Variants in ISM1 observed in about 807,000 individuals in gnomAD.
ISM1 encodes isthmin 1, also known as isthmin-1.
In ISM1, 25 loss-of-function variants were observed where a neutral mutation model predicts 46.3. The ratio of observed to expected loss-of-function variants is 0.54; its 90% CI spans 0.39 to 0.75. The LOEUF (loss-of-function observed/expected upper bound fraction) is 0.75, where lower values mean the gene tolerates loss of function less well. Ranked by LOEUF, ISM1 falls within the 30% of genes least tolerant of loss-of-function variation. ISM1 has a pLI of 0.00. For synonymous variants in ISM1, 255 were observed against 256.7 expected, an observed-to-expected ratio of 0.99 and a Z score of 0.06; for missense variants, 536 against 625.4, an observed-to-expected ratio of 0.86 and a Z score of 1.52.
At chr20:13,313,140 T>C in the ISM1 span, among the ~76,000 whole-genome samples, 2 of 152,262 alleles carry the variant, frequency 1.3e-5, no homozygotes, top group African/African-American at 4.8e-5. Flanking sequence ...TGCCCACAGA[T>C]CCCTTCTACA....
chr20:13,230,701 A>C (rs1311464202), intron 1 of ISM1, among the ~76,000 whole-genome samples: 1 of 151,870 alleles, frequency 6.6e-6, no homozygotes, highest in East Asian at 1.9e-4. Flanking sequence ...TAGTGCCCAG[A>C]TTATATGTAG....
In ISM1 at chr20:13,268,155, C is replaced by CTTCTCTTCTCTTCTCTTCTCTTCT. The variant is rs1456221859; in HGVS notation, c.139-2349_139-2348insTTCTCTTCTCTTCTCTTCTCTTCT. Among the ~76,000 whole-genome samples, 186 of 69,092 alleles carry CTTCTCTTCTCTTCTCTTCTCTTCT rather than the reference C, an allele frequency of 2.7e-3. 1 individual carries two copies. The highest frequency in any genetic ancestry group is 0.011 in the African/African-American group (170 of 15,006). 45.3% of individuals were successfully genotyped at this position (69,092 alleles called of 152,430 possible). A position where few individuals can be genotyped will look rare whatever the true frequency, so the allele number is the denominator to read the frequency against. On this transcript the variant is annotated intron_variant, in intron 1 of 5. Transcript: ENST00000262487. ...TCTTCTCTTCTCTTCTCTTCTCTTCCCTTCCCTTCTCTCCTCTCCTCTCCT... is the reference window on the plus strand; with the variant it reads ...TCTTCTCTTCTCTTCTCTTCTCTTCCTTCTCTTCTCTTCTCTTCTCTTCTCTTCCCTTCTCTCCTCTCCTCTCCT...
chr20:13,289,579 A>T (rs1271172521), intron 4 of ISM1, among the ~76,000 whole-genome samples: 1 of 152,104 alleles, frequency 6.6e-6, no homozygotes, highest in African/African-American at 2.4e-5. Flanking sequence ...TGTGTGTCCC[A>T]TACATTTTTA....
chr20:13,238,881 C>A (rs1448308705), intron 1 of ISM1: 1 of 152,248 alleles, frequency 6.6e-6, no homozygotes, highest in Admixed American at 6.5e-5. Flanking sequence ...CCCATTACTC[C>A]TGAAAAGGTT....
At chr20:13,303,941 CA>C (rs1176634850), downstream of ISM1, among the ~76,000 whole-genome samples, 3 of 151,988 alleles carry the variant, frequency 2.0e-5, no homozygotes, top group Non-Finnish European at 4.4e-5. Context: ...TGGCTTAACC[CA>C]AAAAAACTCT....
intron 1 of ISM1, among the ~76,000 whole-genome samples, chr20:13,224,064 A>G (rs974788117): frequency 3.9e-5 from 6 of 152,090 alleles, no homozygotes; most frequent in Non-Finnish European, 7.3e-5. Flanking sequence ...AAGAGGACAC[A>G]ACAAATGGGG....
chr20:13,305,199 TAAAAA>T (rs5840562), downstream of ISM1, among the ~76,000 whole-genome samples: 1,308 of 137,482 alleles, frequency 9.5e-3, 14 homozygotes, highest in African/African-American at 0.022. Context: ...GTTGAGTTGT[TAAAAA>T]AAAAAAAAAA....
intron 1 of ISM1, among the ~76,000 whole-genome samples, chr20:13,252,010 G>C (rs2039873573): frequency 6.6e-6 from 1 of 152,192 alleles, no homozygotes; most frequent in African/African-American, 2.4e-5. Context: ...ATTTGCTGGA[G>C]GAAAGCAAAG....
At chr20:13,256,292 A>G (rs1019346111) in intron 1 of ISM1, among the ~76,000 whole-genome samples, 16 of 150,594 alleles carry the variant, frequency 1.1e-4, no homozygotes, top group Non-Finnish European at 2.1e-4. Flanking sequence ...GCTATTCAGG[A>G]GGCTGAGACA....
chr20:13,250,013 G>A lies in ISM1; in HGVS notation c.139-20491G>A, dbSNP rs370641632. Among the ~76,000 whole-genome samples, 16 of 152,212 alleles carry A rather than the reference G, an allele frequency of 1.1e-4. No individual in the cohort carries two copies. The South Asian group carries it at 3.1e-3, about 30-fold the overall frequency. The stretch of plus-strand genomic sequence containing the variant: ...AGAAAGTCTATAATGGATTTCCATC[G>A]ATCGCTTCCAGGGGAACTGGATATA... On this transcript the variant is annotated intron_variant, in intron 1 of 5. Coordinates refer to ENST00000262487, the MANE Select transcript of ISM1 (RefSeq NM_080826.2).
intron 1 of ISM1, among the ~76,000 whole-genome samples, chr20:13,225,721 T>C (rs946209588): frequency 1.3e-5 from 2 of 152,198 alleles, no homozygotes; most frequent in Non-Finnish European, 2.9e-5. Flanking sequence ...ATGAGAAAAC[T>C]ATCTGCAGTA....
intron 1 of ISM1, among the ~76,000 whole-genome samples, chr20:13,269,101 A>C (rs1002914833): frequency 6.6e-6 from 1 of 152,150 alleles, no homozygotes; most frequent in Non-Finnish European, 1.5e-5. Context: ...TGGGGGGCAA[A>C]GAGGGCGTGT....
intron 3 of ISM1, 102 bp from the exon 4 acceptor site, chr20:13,288,438 A>T: frequency 7.9e-7 from 1 of 1,268,830 alleles, no homozygotes; most frequent in East Asian, 2.5e-5. Flanking sequence ...ATCCCCTCCC[A>T]CAGCGAGAAG....
intron 1 of ISM1, among the ~76,000 whole-genome samples, chr20:13,223,345 G>T (rs1415342354): frequency 6.6e-6 from 1 of 152,002 alleles, no homozygotes; most frequent in Non-Finnish European, 1.5e-5. Flanking sequence ...CACTTCCATT[G>T]TGTTTACTAC....
chr20:13,253,338 G>A (rs1240175881), intron 1 of ISM1, among the ~76,000 whole-genome samples: 2 of 145,614 alleles, frequency 1.4e-5, no homozygotes, highest in Non-Finnish European at 3.0e-5. Flanking sequence ...GCATTCCTGA[G>A]GAGTGGGTGA....
intron 1 of ISM1, among the ~76,000 whole-genome samples, chr20:13,252,423 C>T (rs928675532): frequency 6.6e-6 from 1 of 152,106 alleles, no homozygotes; most frequent in African/African-American, 2.4e-5. Flanking sequence ...CGTGGGGAGG[C>T]TTTTGCAGCA....
chr20:13,311,318 T>A, the ISM1 span, among the ~76,000 whole-genome samples: 1 of 152,060 alleles, frequency 6.6e-6, no homozygotes, highest in South Asian at 2.1e-4. Context: ...AAAGGAGAAC[T>A]CTTGTACACT....
At chr20:13,289,184 A>G (rs2123310132) in intron 4 of ISM1, among the ~76,000 whole-genome samples, 1 of 152,296 alleles carries the variant, frequency 6.6e-6, no homozygotes, top group East Asian at 1.9e-4. Context: ...CCGTGACCTA[A>G]AAGACAATGT....
intron 1 of ISM1, among the ~76,000 whole-genome samples, chr20:13,268,352 CTCTCTCTCT>C (rs1568678781): frequency 4.1e-4 from 1 of 2,424 alleles, no homozygotes; most frequent in Non-Finnish European, 7.8e-4. Context: ...TTCTTCCTCT[CTCTCTCTCT>C]CTCTCTCTCT....
Sources: allele counts gnomAD v4.1 joint callset (sites outside exome capture counted in the v4.1 genomes callset), GRCh38; gene constraint gnomAD v4.1.1; transcripts MANE v1.5; gene names NCBI Gene and HGNC (gene_info 2026-07-23, HGNC 2026-07-21).